The following CNTN5 variants were observed in gnomAD, a reference collection of about 807,000 sequenced individuals.
The protein encoded by CNTN5 is contactin 5, also known as contactin-5.
CNTN5 carries 77 observed loss-of-function variants against 129.1 expected under a neutral mutation model. That is an observed-to-expected ratio of 0.60 (90% CI 0.50 to 0.72). CNTN5 has a LOEUF of 0.72. Ranked by LOEUF, CNTN5 falls within the 30% of genes least tolerant of loss-of-function variation. The pLI is 0.00. For missense variants in CNTN5, 1,478 were observed against 1,328.8 expected, an observed-to-expected ratio of 1.11 and a Z score of -1.75; for synonymous variants, 509 against 465.6, an observed-to-expected ratio of 1.09 and a Z score of -1.20.
chr11:99,748,592 A>T (rs1944134401), intron 3 of CNTN5, among the ~76,000 whole-genome samples: 1 of 152,176 alleles, frequency 6.6e-6, no homozygotes, highest in African/African-American at 2.4e-5. Flanking sequence ...GGGACCCAAT[A>T]CTGTACCTTT....
intron 3 of CNTN5, among the ~76,000 whole-genome samples, chr11:99,657,756 C>T (rs1952431743): frequency 6.6e-6 from 1 of 151,988 alleles, no homozygotes; most frequent in Non-Finnish European, 1.5e-5. Context: ...TCAGTGACTA[C>T]ATCTGTTATG....
intron 3 of CNTN5, among the ~76,000 whole-genome samples, chr11:99,757,984 T>G (rs1473198507): frequency 6.6e-6 from 1 of 152,124 alleles, no homozygotes; most frequent in Non-Finnish European, 1.5e-5. Context: ...TATAAACATT[T>G]TGCTTAATTG....
chr11:99,899,219 C>T (rs1431302740), intron 6 of CNTN5, among the ~76,000 whole-genome samples: 1 of 151,926 alleles, frequency 6.6e-6, no homozygotes, highest in African/African-American at 2.4e-5. Flanking sequence ...CCTTTTATTT[C>T]TTTCTCTTAC....
chr11:99,730,268 G>A (rs1450818643), intron 3 of CNTN5, among the ~76,000 whole-genome samples: 3 of 152,166 alleles, frequency 2.0e-5, no homozygotes, highest in African/African-American at 7.2e-5. Context: ...GAGCAGGGCT[G>A]GATTCTCTAG....
chr11:99,960,343 C>T (rs1306223104), intron 8 of CNTN5, among the ~76,000 whole-genome samples: 1 of 148,356 alleles, frequency 6.7e-6, no homozygotes, highest in Non-Finnish European at 1.5e-5. Flanking sequence ...TTCATCTTTC[C>T]TAAGCTACTT....
intron 1 of CNTN5, among the ~76,000 whole-genome samples, chr11:99,122,016 G>T (rs1051276477): frequency 1.3e-5 from 2 of 151,156 alleles, no homozygotes; most frequent in Admixed American, 1.3e-4. Context: ...TAAGTTCTAG[G>T]GTATGTATGT....
chr11:99,495,660 A>AAGGC (rs1946198042), intron 2 of CNTN5, among the ~76,000 whole-genome samples: 1 of 152,182 alleles, frequency 6.6e-6, no homozygotes, highest in African/African-American at 2.4e-5. Flanking sequence ...GAATGTAATG[A>AAGGC]AGGCTTTCTG....
chr11:99,982,841 C>G (rs1029975942), intron 8 of CNTN5, among the ~76,000 whole-genome samples: 1 of 152,042 alleles, frequency 6.6e-6, no homozygotes, highest in Non-Finnish European at 1.5e-5. Flanking sequence ...CGGGGTTTCA[C>G]CGTATTAGCC....
chr11:99,631,116 A>C (rs1294582817), intron 3 of CNTN5, among the ~76,000 whole-genome samples: 1 of 152,174 alleles, frequency 6.6e-6, no homozygotes, highest in Non-Finnish European at 1.5e-5. Context: ...CAAGCAAAGA[A>C]TCACACTGAG....
chr11:99,720,496 G>C (rs1943136644), intron 3 of CNTN5, among the ~76,000 whole-genome samples: 1 of 152,022 alleles, frequency 6.6e-6, no homozygotes, highest in Non-Finnish European at 1.5e-5. Flanking sequence ...ACTAGGTATT[G>C]AAAGAACGTA....
chr11:100,126,270 G>A (rs2138186590), intron 13 of CNTN5, among the ~76,000 whole-genome samples: 1 of 152,192 alleles, frequency 6.6e-6, no homozygotes, highest in African/African-American at 2.4e-5. Context: ...ATATTGTGAT[G>A]TTGATAGATG....
At chr11:99,418,825 C>T (rs1942770456) in intron 2 of CNTN5, among the ~76,000 whole-genome samples, 1 of 152,098 alleles carries the variant, frequency 6.6e-6, no homozygotes, top group Admixed American at 6.6e-5. Flanking sequence ...CATGATGCCT[C>T]CAAATAAAGT....
intron 2 of CNTN5, among the ~76,000 whole-genome samples, chr11:99,433,371 A>AAAATGTG (rs1555143805): frequency 1.4e-5 from 2 of 140,840 alleles, no homozygotes; most frequent in African/African-American, 5.3e-5. Flanking sequence ...TAAAAAAAAA[A>AAAATGTG]TGTGTGTGTG....
At chr11:100,011,187 C>T (rs771461223) in intron 9 of CNTN5, among the ~76,000 whole-genome samples, 13 of 152,150 alleles carry the variant, frequency 8.5e-5, no homozygotes, top group Non-Finnish European at 1.6e-4. Flanking sequence ...ACCACATTTA[C>T]ATTAGCTATA....
At chr11:99,383,296 A>G (rs1940715287) in intron 2 of CNTN5, among the ~76,000 whole-genome samples, 1 of 152,222 alleles carries the variant, frequency 6.6e-6, no homozygotes. Context: ...ATGAGTTACT[A>G]GCTTTGTTTC....
intron 9 of CNTN5, among the ~76,000 whole-genome samples, chr11:100,014,581 A>C (rs929360728): frequency 6.6e-6 from 1 of 151,956 alleles, no homozygotes; most frequent in Admixed American, 6.6e-5. Flanking sequence ...CTCCGTCTCA[A>C]AAAAAAATAA....
chr11:99,186,371 G>C (rs1858351509), intron 1 of CNTN5, among the ~76,000 whole-genome samples: 1 of 151,828 alleles, frequency 6.6e-6, no homozygotes, highest in African/African-American at 2.4e-5. Context: ...TTTTATATCA[G>C]CTCTGCTTTT....
At chr11:99,339,159 C>T (rs777179353) in intron 2 of CNTN5, among the ~76,000 whole-genome samples, 72 of 148,582 alleles carry the variant, frequency 4.8e-4, no homozygotes, top group African/African-American at 1.1e-3. Flanking sequence ...ATGTATACAC[C>T]TACTATGTAC....
At chr11:99,479,481 C>A (rs1945507088) in intron 2 of CNTN5, among the ~76,000 whole-genome samples, 1 of 151,872 alleles carries the variant, frequency 6.6e-6, no homozygotes, top group Non-Finnish European at 1.5e-5. Context: ...ACTGTAAATG[C>A]AGGAAACTAG....
Sources: gnomAD v4.1 joint callset for allele counts (sites outside exome capture counted in the v4.1 genomes callset) on GRCh38, gnomAD v4.1.1 for gene constraint, MANE v1.5 for transcripts, NCBI Gene and HGNC (gene_info 2026-07-23, HGNC 2026-07-21) for gene names.